BEND3: variants seen among roughly 807,000 people sequenced by gnomAD.
BEND3 encodes the protein BEN domain containing 3, also known as BEN domain-containing protein 3.
A neutral mutation model predicts 60.1 loss-of-function variants in BEND3; 13 were observed. The ratio of observed to expected loss-of-function variants is 0.22; its 90% confidence interval spans 0.14 to 0.34. BEND3 has a LOEUF of 0.34. BEND3 is among the 10% of genes least tolerant of loss of function. The pLI is 1.00. For missense variants in BEND3, 896 were observed against 1,138.1 expected, an observed-to-expected ratio of 0.79 and a Z score of 3.06; for synonymous variants, 497 against 491.5, an observed-to-expected ratio of 1.01 and a Z score of -0.15.
chr6:107,075,624 C>T lies in BEND3; in HGVS notation c.241-4674G>A, dbSNP rs117662944. Among the ~76,000 whole-genome samples, 531 of 152,242 alleles carry T rather than the reference C, an allele frequency of 3.5e-3. 11 individuals are homozygous for T. The East Asian group carries it at 0.055, about 16-fold the overall frequency. On this transcript the variant is annotated intron_variant, in intron 3 of 3. Transcript: ENST00000369042. ...TTTGGGTTTGGAGTACTAACAATTA[C>T]AAATCATAACTATATTAGGAGTGAT...
intron 3 of BEND3, among the ~76,000 whole-genome samples, chr6:107,084,845 G>C (rs151164546): frequency 1.5e-3 from 228 of 152,308 alleles, no homozygotes; most frequent in African/African-American, 5.3e-3. Flanking sequence ...ACCAATCAGC[G>C]CTCTGTAAAA....
rs782727307 is a variant in BEND3 at position 107,070,310 on chromosome 6, G to A, written c.881C>T (p.Ala294Val). ...FSRGCSACGF[A>V]AKRKLESLHL... ...CAGCGACTCCAGCTTGCGCTTGGCC[G>A]CAAAGCCACAGGCACTGCAGCCCCG... is the stretch of plus-strand genomic sequence containing the variant. The change falls in exon 4 of 4, where the codon GCG (alanine) becomes GTG (valine). Residue 294 changes from alanine to valine, a missense_variant. Physicochemically the swap from Ala to Val is moderately conservative, Grantham distance 64. Transcript: ENST00000369042. The surrounding 1 kb of genome is among the most constrained non-coding windows in gnomAD (Gnocchi z 6.9). The A allele has an allele frequency of 5.6e-6, 9 of 1,612,766 alleles. No individual in the cohort carries two copies. The highest frequency in any genetic ancestry group is 2.2e-5 in the East Asian group (1 of 44,844).
At chr6:107,079,216 G>A (rs1775171037) in intron 3 of BEND3, among the ~76,000 whole-genome samples, 1 of 152,164 alleles carries the variant, frequency 6.6e-6, no homozygotes, top group African/African-American at 2.4e-5. Flanking sequence ...GGCAGTAGGA[G>A]GAGGGCCCGG....
chr6:107,110,355 T>G (rs530661349), intron 1 of BEND3, among the ~76,000 whole-genome samples: 1 of 152,334 alleles, frequency 6.6e-6, no homozygotes, highest in Non-Finnish European at 1.5e-5. Flanking sequence ...TGGAGAGCTC[T>G]TAGTTTGACA....
At chr6:107,087,320 A>G (rs1393886911) in intron 3 of BEND3, among the ~76,000 whole-genome samples, 2 of 151,896 alleles carry the variant, frequency 1.3e-5, no homozygotes, top group East Asian at 1.9e-4. Context: ...CTCCAACTCA[A>G]AAAAGAAAAG....
At chr6:107,110,431 T>C (rs1775915803) in intron 1 of BEND3, among the ~76,000 whole-genome samples, 1 of 152,242 alleles carries the variant, frequency 6.6e-6, no homozygotes, top group Admixed American at 6.5e-5. Flanking sequence ...ACAATGATGT[T>C]GCAAGAAATA....
At chr6:107,103,198 C>T (rs1313253750) in intron 1 of BEND3, among the ~76,000 whole-genome samples, 1 of 152,190 alleles carries the variant, frequency 6.6e-6, no homozygotes, top group Non-Finnish European at 1.5e-5. Context: ...CTCCCTGCAT[C>T]CCCAGCTGGC....
chr6:107,104,131 CA>C (rs1273671443), intron 1 of BEND3, among the ~76,000 whole-genome samples: 1 of 148,894 alleles, frequency 6.7e-6, no homozygotes, highest in African/African-American at 2.5e-5. Flanking sequence ...AAAAAAAATA[CA>C]AAAAAAAATT....
In BEND3 at chr6:107,070,959, C is replaced by T; in HGVS notation, c.241-9G>A. 2.5e-6 allele frequency: 4 copies of T among 1,594,230 alleles called. No homozygotes were observed. The highest frequency in any genetic ancestry group is 3.4e-6 in the Non-Finnish European group (4 of 1,170,836). ...ATGCCTGCTAGGAGAGCCTGCAAAA[C>T]AAAAATCATTTCCCAGAGTGTTAGG... On this transcript the variant is annotated splice_polypyrimidine_tract_variant and intron_variant, in intron 3 of 3. Transcript: ENST00000369042. The surrounding 1 kb of genome is among the most constrained non-coding windows in gnomAD (Gnocchi z 6.9).
chr6:107,085,894 C>T (rs767207557), intron 3 of BEND3, among the ~76,000 whole-genome samples: 1 of 151,912 alleles, frequency 6.6e-6, no homozygotes, highest in Non-Finnish European at 1.5e-5. Context: ...TCACGCCATT[C>T]TCCTGTCTCA....
At chr6:107,082,125 T>G (rs1001243143) in intron 3 of BEND3, among the ~76,000 whole-genome samples, 1 of 152,158 alleles carries the variant, frequency 6.6e-6, no homozygotes, top group African/African-American at 2.4e-5. Flanking sequence ...CGGGTGTAGT[T>G]TTGGATATGT....
intron 1 of BEND3, among the ~76,000 whole-genome samples, chr6:107,099,627 A>T (rs1472242155): frequency 1.3e-5 from 2 of 152,180 alleles, no homozygotes; most frequent in African/African-American, 4.8e-5. Context: ...TATCTCTTTT[A>T]AGTCCATGCT....
rs1335932945 is a variant in BEND3, at chr6:107,067,085, C to T, written c.*1619G>A. 1 of 152,166 alleles carries T rather than the reference C, an allele frequency of 6.6e-6. No homozygotes were observed. Among genetic ancestry groups the T allele is most frequent in the East Asian group, 1.9e-4 (1 of 5,196 alleles). The allele number at this position is 152,166 out of a possible 1,614,324, so 9.4% of individuals were successfully genotyped here. On this transcript the variant is annotated 3_prime_UTR_variant, in exon 4 of 4. Transcript: ENST00000369042. The stretch of plus-strand genomic sequence containing the variant: ...TAGTTAGATCAGCAACTTAACATTG[C>T]TTTTAAAATCCTGTATTTTAAAAAA...
Position 107,070,353 on chromosome 6 carries a change from TGAAGAGCTCGGG to T in BEND3, c.826_837del (p.Pro276_Phe279del). On this transcript the variant is annotated inframe_deletion, in exon 4 of 4. Coordinates refer to ENST00000369042, the MANE Select transcript of BEND3 (RefSeq NM_001367314.1). This position sits in a 1 kb window ranked among gnomAD's most constrained non-coding sequence, Gnocchi z 6.9. ...CAGCCCCGGGAGAAGTCCACGTCGC[TGAAGAGCTCGGG>T]GAAGAGCTGCACCAGCAAGCGGCAG... 1 of 1,612,486 alleles carries T rather than the reference TGAAGAGCTCGGG, an allele frequency of 6.2e-7. No homozygotes were observed.
intron 3 of BEND3, among the ~76,000 whole-genome samples, chr6:107,071,633 C>T (rs1181490825): frequency 2.6e-5 from 4 of 152,104 alleles, no homozygotes; most frequent in Non-Finnish European, 5.9e-5. Flanking sequence ...TAGAAACAAC[C>T]CCCCGTTTCT....
At chr6:107,075,023 C>T (rs1311853872) in intron 3 of BEND3, among the ~76,000 whole-genome samples, 1 of 151,956 alleles carries the variant, frequency 6.6e-6, no homozygotes, top group Non-Finnish European at 1.5e-5. Context: ...ATCACTTGAA[C>T]CCGGGAGGCG....
At chr6:107,074,952 T>A (rs1775068463) in intron 3 of BEND3, among the ~76,000 whole-genome samples, 1 of 151,952 alleles carries the variant, frequency 6.6e-6, no homozygotes, top group Non-Finnish European at 1.5e-5. Flanking sequence ...ATACAAAAAA[T>A]TAGCTGGGAG....
chr6:107,098,431 A>G (rs1775632479), intron 3 of BEND3, 120 bp downstream of exon 3: 1 of 1,011,942 alleles, frequency 9.9e-7, no homozygotes, highest in Non-Finnish European at 1.4e-6. Flanking sequence ...AGCTTAAATG[A>G]AACCTTCCCA....
chr6:107,070,747 G>T lies in BEND3; in HGVS notation c.444C>A (p.Asp148Glu). The T allele has an allele frequency of 6.2e-7, 1 of 1,614,068 alleles. No homozygotes were observed. Among genetic ancestry groups the T allele is most frequent in the Admixed American group, 1.7e-5 (1 of 60,006 alleles). The change falls in exon 4 of 4, where the codon GAC (aspartate) becomes GAA (glutamate). Residue 148 changes from aspartate to glutamate, a missense_variant. Transcript: ENST00000369042. The surrounding 1 kb of genome is among the most constrained non-coding windows in gnomAD (Gnocchi z 6.9). ...CAAAGAGCTCGTACACGTTTAGCAG[G>T]TCCCCCGAGGGAGGATTCTTCTTCT... is the stretch of plus-strand genomic sequence containing the variant. ...IMEKKNPPSG[D>E]LLNVYELFEK...
Sources: gnomAD v4.1 joint callset for allele counts (sites outside exome capture counted in the v4.1 genomes callset) on GRCh38, gnomAD v4.1.1 for gene constraint, Gnocchi (gnomAD v3.1) non-coding constraint, MANE v1.5 for transcripts, NCBI Gene and HGNC (gene_info 2026-07-23, HGNC 2026-07-21) for gene names.